Variants in CADPS observed in about 807,000 individuals in gnomAD.
CADPS encodes calcium-dependent secretion activator 1.
CADPS carries 57 observed loss-of-function variants against 167.3 expected under a neutral mutation model. That is an observed-to-expected ratio of 0.34 (90% CI 0.28 to 0.42). The LOEUF (loss-of-function observed/expected upper bound fraction) is 0.42. Ranked by LOEUF, CADPS falls within the 20% of genes least tolerant of loss-of-function variation. CADPS has a pLI of 1.00. For synonymous variants in CADPS, 676 were observed against 635.3 expected, an observed-to-expected ratio of 1.06 and a Z score of -0.96; for missense variants, 1,414 against 1,738.1, an observed-to-expected ratio of 0.81 and a Z score of 3.32.
intron 12 of CADPS, among the ~76,000 whole-genome samples, chr3:62,535,400 T>G (rs2074483606): frequency 6.6e-6 from 1 of 151,750 alleles, no homozygotes; most frequent in Admixed American, 6.6e-5. Flanking sequence ...AAGACTATTT[T>G]ATCTACAATT....
chr3:62,655,126 G>A (rs1037207371), intron 4 of CADPS, among the ~76,000 whole-genome samples: 3 of 152,124 alleles, frequency 2.0e-5, no homozygotes, highest in African/African-American at 7.2e-5. Context: ...CATAAAAAGA[G>A]GCTCATAAAA....
At chr3:62,851,634 C>A (rs547457308) in intron 1 of CADPS, among the ~76,000 whole-genome samples, 95 of 137,972 alleles carry the variant, frequency 6.9e-4, no homozygotes, top group South Asian at 3.0e-3. Context: ...GGGTTTCTGC[C>A]GAGAGATCCG....
At chr3:62,835,478 G>A (rs537291045) in intron 1 of CADPS, among the ~76,000 whole-genome samples, 5 of 152,236 alleles carry the variant, frequency 3.3e-5, no homozygotes, top group African/African-American at 1.2e-4. Flanking sequence ...TTTCATAATT[G>A]AGCCTGTGAT....
At chr3:62,711,162 C>G (rs2083324590) in intron 3 of CADPS, among the ~76,000 whole-genome samples, 1 of 152,150 alleles carries the variant, frequency 6.6e-6, no homozygotes, top group South Asian at 2.1e-4. Flanking sequence ...ATAAAGGCAT[C>G]CAATTCTATT....
chr3:62,530,551 G>T, intron 13 of CADPS: 2 of 712,164 alleles, frequency 2.8e-6, no homozygotes, highest in Non-Finnish European at 1.8e-6. Context: ...GAGACTTTAG[G>T]AATACTCAAA....
intron 22 of CADPS, among the ~76,000 whole-genome samples, chr3:62,481,212 C>A (rs2061970607): frequency 6.6e-6 from 1 of 152,122 alleles, no homozygotes; most frequent in African/African-American, 2.4e-5. Flanking sequence ...TTTCATTTAG[C>A]CCTGAACATA....
chr3:62,559,842 C>T (rs1384937365), intron 9 of CADPS, among the ~76,000 whole-genome samples: 1 of 151,922 alleles, frequency 6.6e-6, no homozygotes, highest in East Asian at 1.9e-4. Context: ...TGAAAGATGA[C>T]ATAGTTTGTT....
intron 28 of CADPS, among the ~76,000 whole-genome samples, chr3:62,407,961 C>T (rs1003860031): frequency 4.6e-5 from 7 of 152,162 alleles, no homozygotes; most frequent in Non-Finnish European, 7.4e-5. Context: ...TCTTGAACCC[C>T]TGACCTCAGG....
At chr3:62,655,985 C>G (rs2071460301) in intron 4 of CADPS, among the ~76,000 whole-genome samples, 1 of 152,138 alleles carries the variant, frequency 6.6e-6, no homozygotes. Flanking sequence ...CAGTCCATGA[C>G]AGTGAAACGG....
chr3:62,629,640 CT>C (rs1313696549), intron 6 of CADPS, among the ~76,000 whole-genome samples: 1 of 152,186 alleles, frequency 6.6e-6, no homozygotes, highest in East Asian at 1.9e-4. Context: ...TCTCTGAGGG[CT>C]TCCTGTTACA....
chr3:62,462,183 T>C (rs939249635), intron 26 of CADPS, among the ~76,000 whole-genome samples: 2 of 152,202 alleles, frequency 1.3e-5, no homozygotes, highest in African/African-American at 4.8e-5. Flanking sequence ...AGTTGCTAAT[T>C]GCGTCTTCCA....
chr3:62,459,825 A>C (rs1226897865), intron 26 of CADPS, among the ~76,000 whole-genome samples: 1 of 152,246 alleles, frequency 6.6e-6, no homozygotes, highest in Admixed American at 6.5e-5. Context: ...AGAATGAAGG[A>C]CTAATGTAAA....
intron 9 of CADPS, among the ~76,000 whole-genome samples, chr3:62,559,615 C>T (rs748787656): frequency 1.6e-4 from 24 of 152,118 alleles, no homozygotes; most frequent in Non-Finnish European, 3.4e-4. Flanking sequence ...CTGCCTCAGC[C>T]TCCTGAGTAG....
At chr3:62,780,041 G>A (rs947254233) in intron 1 of CADPS, among the ~76,000 whole-genome samples, 2 of 152,128 alleles carry the variant, frequency 1.3e-5, no homozygotes, top group African/African-American at 2.4e-5. Flanking sequence ...CTTGTACATA[G>A]AGTTTATGGT....
At chr3:62,820,367 T>C (rs925164885) in intron 1 of CADPS, among the ~76,000 whole-genome samples, 4 of 152,204 alleles carry the variant, frequency 2.6e-5, no homozygotes, top group Non-Finnish European at 5.9e-5. Flanking sequence ...CCCTCCTTGA[T>C]CTGGAATTGC....
At chr3:62,444,604 A>C (rs971733550) in intron 27 of CADPS, among the ~76,000 whole-genome samples, 3 of 152,212 alleles carry the variant, frequency 2.0e-5, no homozygotes, top group African/African-American at 4.8e-5. Flanking sequence ...AGAACTGTCT[A>C]CCTGAAGGAA....
intron 1 of CADPS, among the ~76,000 whole-genome samples, chr3:62,775,005 C>A (rs757676687): frequency 2.6e-5 from 4 of 151,856 alleles, no homozygotes; most frequent in African/African-American, 4.8e-5. Flanking sequence ...TTGAATGAAT[C>A]TTTTACCCAT....
intron 1 of CADPS, among the ~76,000 whole-genome samples, chr3:62,772,228 C>T (rs116098710): frequency 1.3e-5 from 2 of 152,092 alleles, no homozygotes; most frequent in East Asian, 3.9e-4. Flanking sequence ...ATTTACTCAG[C>T]CTTTTGAAGG....
chr3:62,520,334 A>C (rs2070180034), intron 13 of CADPS, among the ~76,000 whole-genome samples: 2 of 152,186 alleles, frequency 1.3e-5, no homozygotes, highest in African/African-American at 4.8e-5. Context: ...CTTCTCAGTT[A>C]ATTCTCACTA....
Sources: allele counts gnomAD v4.1 joint callset (sites outside exome capture counted in the v4.1 genomes callset), GRCh38; gene constraint gnomAD v4.1.1; transcripts MANE v1.5; gene names NCBI Gene and HGNC (gene_info 2026-07-23, HGNC 2026-07-21).